PARD3: variants seen among roughly 807,000 people sequenced by gnomAD.
PARD3 encodes par-3 family cell polarity regulator.
In PARD3, 75 loss-of-function variants were observed where a neutral mutation model predicts 155.4. The ratio of observed to expected loss-of-function variants is 0.48; its 90% CI spans 0.40 to 0.58. The LOEUF is 0.58. PARD3 is among the 20% of genes least tolerant of loss of function. PARD3 has a pLI of 0.00. For synonymous variants in PARD3, 576 were observed against 610.5 expected, an observed-to-expected ratio of 0.94 and a Z score of 0.83; for missense variants, 1,642 against 1,721.7, an observed-to-expected ratio of 0.95 and a Z score of 0.82.
chr10:34,785,489 T>C (rs1048957108), intron 1 of PARD3, among the ~76,000 whole-genome samples: 1 of 152,122 alleles, frequency 6.6e-6, no homozygotes, highest in Admixed American at 6.6e-5. Flanking sequence ...CTCACGTCTG[T>C]AATCCCAGCA....
At chr10:34,630,174 T>C (rs1479587410) in intron 2 of PARD3, among the ~76,000 whole-genome samples, 1 of 152,226 alleles carries the variant, frequency 6.6e-6, no homozygotes, top group East Asian at 1.9e-4. Context: ...TTCAACTCCT[T>C]GTGGGCCTGC....
At chr10:34,196,456 C>T (rs1950937184) in intron 22 of PARD3, among the ~76,000 whole-genome samples, 1 of 152,054 alleles carries the variant, frequency 6.6e-6, no homozygotes, top group Non-Finnish European at 1.5e-5. Flanking sequence ...GTCCTAGCTC[C>T]CATCTTAAAT....
chr10:34,771,459 T>C (rs2134095543), intron 1 of PARD3, among the ~76,000 whole-genome samples: 1 of 152,134 alleles, frequency 6.6e-6, no homozygotes. Context: ...GCTACAGTTA[T>C]TATCACCATC....
chr10:34,382,153 T>C (rs939857040), intron 9 of PARD3, among the ~76,000 whole-genome samples: 5 of 152,076 alleles, frequency 3.3e-5, no homozygotes, highest in African/African-American at 4.8e-5. Flanking sequence ...GCTGGACTTA[T>C]ACAGCAAATG....
At chr10:34,566,200 G>T (rs1370084700) in intron 2 of PARD3, among the ~76,000 whole-genome samples, 1 of 152,180 alleles carries the variant, frequency 6.6e-6, no homozygotes, top group African/African-American at 2.4e-5. Flanking sequence ...CTCAGAGATG[G>T]ACAAACAGGG....
At chr10:34,552,294 G>T (rs1368291101) in intron 2 of PARD3, among the ~76,000 whole-genome samples, 1 of 152,142 alleles carries the variant, frequency 6.6e-6, no homozygotes, top group African/African-American at 2.4e-5. Context: ...TCTTTATGTA[G>T]AGATGCTATG....
At chr10:34,305,665 T>G (rs980341491) in intron 20 of PARD3, among the ~76,000 whole-genome samples, 2 of 152,222 alleles carry the variant, frequency 1.3e-5, no homozygotes, top group Non-Finnish European at 2.9e-5. Context: ...TTATCTTTTC[T>G]GACAGTCTTA....
intron 14 of PARD3, among the ~76,000 whole-genome samples, chr10:34,351,799 T>C (rs956917791): frequency 6.6e-6 from 1 of 152,266 alleles, no homozygotes; most frequent in Non-Finnish European, 1.5e-5. Flanking sequence ...CACTCACTTG[T>C]GTAAGAGAAA....
chr10:34,226,202 A>T (rs1488534698), intron 22 of PARD3, among the ~76,000 whole-genome samples: 1 of 152,264 alleles, frequency 6.6e-6, no homozygotes, highest in Non-Finnish European at 1.5e-5. Context: ...AGAAAAATGC[A>T]AATTAAAATC....
At chr10:34,482,032 CTTTTTTTTTTTT>C (rs58877037) in intron 3 of PARD3, among the ~76,000 whole-genome samples, 8 of 101,578 alleles carry the variant, frequency 7.9e-5, no homozygotes, top group Non-Finnish European at 1.4e-4. Flanking sequence ...TAATTTTTAT[CTTTTTTTTTTTT>C]TTTTTTTTGA....
At chr10:34,322,337 C>A (rs537729655) in intron 19 of PARD3, among the ~76,000 whole-genome samples, 11 of 152,182 alleles carry the variant, frequency 7.2e-5, no homozygotes, top group Non-Finnish European at 1.3e-4. Flanking sequence ...GCAGAAGGGG[C>A]AGAAAAATGT....
intron 1 of PARD3, among the ~76,000 whole-genome samples, chr10:34,746,499 T>A (rs1387836980): frequency 2.0e-5 from 3 of 152,162 alleles, no homozygotes. Context: ...ACACATTTAT[T>A]AAAGCCATGA....
intron 14 of PARD3, among the ~76,000 whole-genome samples, chr10:34,355,353 A>G (rs958263500): frequency 6.6e-6 from 1 of 152,090 alleles, no homozygotes; most frequent in African/African-American, 2.4e-5. Context: ...GAAAAGAGGG[A>G]AATTCTAGAG....
chr10:34,228,246 C>T (rs766558428), intron 22 of PARD3, among the ~76,000 whole-genome samples: 7 of 151,806 alleles, frequency 4.6e-5, no homozygotes, highest in Non-Finnish European at 7.4e-5. Flanking sequence ...CAATAGACAC[C>T]GGGGCTTACT....
chr10:34,623,756 C>T (rs531335601), intron 2 of PARD3, among the ~76,000 whole-genome samples: 10 of 149,820 alleles, frequency 6.7e-5, no homozygotes, highest in Non-Finnish European at 1.5e-4. Context: ...CGAAGTGGGG[C>T]GGATCACGAG....
In PARD3 at chr10:34,442,056, T is replaced by C. The variant is rs569233354; in HGVS notation, c.714+8261A>G. ...TGGTGTTGCTAGAGATAAACACGAC[T>C]ATTTTGCTTCTCTACAAATTTTATG... On this transcript the variant is annotated intron_variant, in intron 5 of 24. Coordinates refer to ENST00000374788, the MANE Select transcript of PARD3 (RefSeq NM_001184785.2). Among the ~76,000 whole-genome samples the C allele has an allele frequency of 2.0e-5, 3 of 152,346 alleles. No homozygotes were observed. In the Middle Eastern group the frequency reaches 0.01, roughly 518 times the overall value.
At chr10:34,339,356 CA>C (rs1160789564) in intron 16 of PARD3, among the ~76,000 whole-genome samples, 4 of 139,828 alleles carry the variant, frequency 2.9e-5, no homozygotes, top group Admixed American at 7.2e-5. Context: ...GACTCCGTCT[CA>C]AAAAAAAAAC....
At chr10:34,218,139 T>C (rs1383924581) in intron 22 of PARD3, among the ~76,000 whole-genome samples, 1 of 152,162 alleles carries the variant, frequency 6.6e-6, no homozygotes, top group Non-Finnish European at 1.5e-5. Flanking sequence ...TGACTGTTGG[T>C]CTTTTAACCT....
At chr10:34,447,506 A>C (rs1180562589) in intron 5 of PARD3, among the ~76,000 whole-genome samples, 28 of 114,770 alleles carry the variant, frequency 2.4e-4, no homozygotes, top group South Asian at 6.1e-4. Flanking sequence ...AAAAAAAAAA[A>C]AAAAAAAAAA....
Sources: gnomAD v4.1 joint callset for allele counts (sites outside exome capture counted in the v4.1 genomes callset) on GRCh38, gnomAD v4.1.1 for gene constraint, MANE v1.5 for transcripts, NCBI Gene and HGNC (gene_info 2026-07-23, HGNC 2026-07-21) for gene names.